The following WDR89 variants were observed in gnomAD, a reference collection of about 807,000 sequenced individuals.
WDR89 encodes the protein WD repeat domain 89.
Under a neutral mutation model 29.1 loss-of-function variants are expected in WDR89, and 17 were observed. That is an observed-to-expected ratio of 0.58 (90% CI 0.40 to 0.88). WDR89 has a LOEUF of 0.88. Ranked by LOEUF, WDR89 falls within the 40% of genes least tolerant of loss-of-function variation. The pLI, the probability that WDR89 is intolerant of heterozygous loss-of-function variation, is 0.00. For synonymous variants in WDR89, 138 were observed against 157.8 expected (o/e 0.87, Z 0.94); for missense variants, 396 against 456.3 (o/e 0.87, Z 1.20).
At chr14:63,640,277 T>C (rs1026376073) in intron 1 of WDR89, among the ~76,000 whole-genome samples, 8 of 152,202 alleles carry the variant, frequency 5.3e-5, no homozygotes, top group African/African-American at 1.9e-4. Context: ...GTGGCTTTCA[T>C]CGGTAACATA....
chr14:63,615,077 T>C (rs1000767070), intron 2 of WDR89, among the ~76,000 whole-genome samples: 1 of 152,230 alleles, frequency 6.6e-6, no homozygotes, highest in African/African-American at 2.4e-5. Context: ...ACATACTTTC[T>C]CATGCAGTGT....
At chr14:63,623,703 CAAAAAAAAAAAA>C (rs34839479) in intron 2 of WDR89, among the ~76,000 whole-genome samples, 5 of 39,068 alleles carry the variant, frequency 1.3e-4, no homozygotes, top group East Asian at 8.8e-4. Context: ...GACTCTGTCT[CAAAAAAAAAAAA>C]AAAAAAAAAA....
At chr14:63,606,868 T>C (rs1417599662) in intron 2 of WDR89, among the ~76,000 whole-genome samples, 2 of 152,244 alleles carry the variant, frequency 1.3e-5, no homozygotes, top group East Asian at 1.9e-4. Flanking sequence ...TCATAGCTAC[T>C]AAGTGAACAT....
chr14:63,615,791 G>C (rs1192168129), intron 2 of WDR89, among the ~76,000 whole-genome samples: 1 of 152,176 alleles, frequency 6.6e-6, no homozygotes, highest in African/African-American at 2.4e-5. Context: ...AGGTGTGGTA[G>C]TGTGTGTCTG....
At chr14:63,604,420 A>G (rs921024251) in intron 2 of WDR89, among the ~76,000 whole-genome samples, 1 of 152,242 alleles carries the variant, frequency 6.6e-6, no homozygotes, top group Non-Finnish European at 1.5e-5. Context: ...CTCAAAAAAA[A>G]ACTGACACAA....
chr14:63,622,264 G>C (rs902950085), intron 2 of WDR89, among the ~76,000 whole-genome samples: 1 of 151,604 alleles, frequency 6.6e-6, no homozygotes, highest in Non-Finnish European at 1.5e-5. Context: ...GTGAAACCAC[G>C]TCTCTACTAA....
chr14:63,604,793 A>G (rs565574894), intron 2 of WDR89, among the ~76,000 whole-genome samples: 1 of 152,318 alleles, frequency 6.6e-6, no homozygotes, highest in South Asian at 2.1e-4. Context: ...ACACATTAAA[A>G]TCACCACGTA....
At chr14:63,621,684 A>C (rs1882704211) in intron 2 of WDR89, 1 of 152,238 alleles carries the variant, frequency 6.6e-6, no homozygotes. Flanking sequence ...CCAAAAGGAC[A>C]GAAAAACCTA....
chr14:63,626,709 A>C (rs1340046247), intron 1 of WDR89, among the ~76,000 whole-genome samples: 1 of 148,694 alleles, frequency 6.7e-6, no homozygotes, highest in African/African-American at 2.5e-5. Flanking sequence ...AAAAAAAAAA[A>C]AGTTCCGTCT....
chr14:63,621,492 G>T (rs1882692564), intron 2 of WDR89, among the ~76,000 whole-genome samples: 1 of 152,088 alleles, frequency 6.6e-6, no homozygotes, highest in Admixed American at 6.6e-5. Context: ...CAGCTACTAG[G>T]GAGGCTAAAG....
intron 1 of WDR89, among the ~76,000 whole-genome samples, chr14:63,625,504 C>A (rs1374251545): frequency 2.0e-5 from 3 of 152,072 alleles, no homozygotes; most frequent in African/African-American, 7.2e-5. Flanking sequence ...TACACTTTAA[C>A]AAACCTGATC....
chr14:63,610,947 G>A (rs865871368), intron 2 of WDR89, among the ~76,000 whole-genome samples: 64 of 151,546 alleles, frequency 4.2e-4, no homozygotes, highest in African/African-American at 1.0e-3. Flanking sequence ...TAATTCGCCC[G>A]CCTTGGCCTC....
chr14:63,640,095 C>T (rs887530836), intron 1 of WDR89, among the ~76,000 whole-genome samples: 1 of 152,198 alleles, frequency 6.6e-6, no homozygotes, highest in Non-Finnish European at 1.5e-5. Flanking sequence ...TAGCTGCATT[C>T]ACAGGAAAGT....
chr14:63,605,708 C>T (rs1437721786), intron 2 of WDR89, among the ~76,000 whole-genome samples: 2 of 152,170 alleles, frequency 1.3e-5, no homozygotes, highest in Non-Finnish European at 2.9e-5. Context: ...GATCCACACA[C>T]CTCGGTCTCC....
intron 1 of WDR89, among the ~76,000 whole-genome samples, chr14:63,627,150 A>ACACACTCT (rs1433982075): frequency 2.8e-4 from 35 of 127,268 alleles, no homozygotes; most frequent in African/African-American, 1.1e-3. Context: ...ACACACACAC[A>ACACACTCT]CTCTCTCTCT....
At chr14:63,637,202 C>A (rs1883788860) in intron 1 of WDR89, among the ~76,000 whole-genome samples, 1 of 152,112 alleles carries the variant, frequency 6.6e-6, no homozygotes, top group Admixed American at 6.5e-5. Context: ...CAAATCGAAA[C>A]CACAATGTGA....
rs1472676990 is a variant in WDR89, at chr14:63,599,304, ACAGGTTGTAAC to A, written c.628_638del (p.Val210Ter). ...TACAGCTTACTGATGAAATTGAGTTACAGGTTGTAACCAGTGCATCCTCCTCATTATCAATA... is the reference window on the plus strand; with the variant it reads ...TACAGCTTACTGATGAAATTGAGTTACAGTGCATCCTCCTCATTATCAATA... On this transcript the variant is annotated frameshift_variant, in exon 3 of 3. Transcript: ENST00000620954. LOFTEE classifies it high-confidence loss of function. 1.1e-5 allele frequency: 18 copies of A among 1,614,064 alleles called. No homozygotes were observed. The South Asian group carries it at 1.9e-4, about 17-fold the overall frequency.
rs570648133 is a variant in WDR89 at position 63,634,105 on chromosome 14, G to A, written c.-138+7699C>T. ...CATATTAATAATTACTTAAATTTCA[G>A]GCCGGGCACAGTGGCTCACACCTAT... On this transcript the variant is annotated intron_variant, in intron 1 of 2. Coordinates refer to ENST00000620954, the MANE Select transcript of WDR89 (RefSeq NM_080666.4). Among the ~76,000 whole-genome samples, 7 of 152,266 alleles carry A rather than the reference G, an allele frequency of 4.6e-5. No homozygotes were observed. In the South Asian group the frequency reaches 1.4e-3, roughly 32 times the overall value.
chr14:63,601,979 T>C (rs1595015120), intron 2 of WDR89, among the ~76,000 whole-genome samples: 1 of 152,386 alleles, frequency 6.6e-6, no homozygotes, highest in East Asian at 1.9e-4. Flanking sequence ...CATCAGTGAA[T>C]ATTCTTTCTA....
Sources: gnomAD v4.1 joint callset for allele counts (sites outside exome capture counted in the v4.1 genomes callset) on GRCh38, gnomAD v4.1.1 for gene constraint, MANE v1.5 for transcripts, NCBI Gene and HGNC (gene_info 2026-07-23, HGNC 2026-07-21) for gene names.